CASK: variants seen among roughly 807,000 people sequenced by gnomAD.
CASK encodes the protein calcium/calmodulin dependent serine protein kinase.
A neutral mutation model predicts 82.9 loss-of-function variants in CASK; 4 were observed. The ratio of observed to expected loss-of-function variants is 0.05; its 90% CI spans 0.02 to 0.11. CASK has a LOEUF of 0.11. CASK is among the 10% of genes least tolerant of loss of function. CASK has a pLI of 1.00. For synonymous variants in CASK, 259 were observed against 253.5 expected, an observed-to-expected ratio of 1.02 and a Z score of -0.20; for missense variants, 358 against 720.9, an observed-to-expected ratio of 0.50 and a Z score of 5.76.
intron 9 of CASK, among the ~76,000 whole-genome samples, chrX:41,632,443 T>C (rs1180524302): frequency 8.9e-6 from 1 of 111,987 alleles, no homozygotes; most frequent in Non-Finnish European, 1.9e-5. Context: ...TACCATACAA[T>C]AGAACTATCT....
At chrX:41,604,649 C>A (rs1052952991) in intron 12 of CASK, among the ~76,000 whole-genome samples, 1 of 111,436 alleles carries the variant, frequency 9.0e-6, no homozygotes, top group African/African-American at 3.3e-5. Context: ...GCAGTCCTAG[C>A]AAACTAATGT....
At chrX:41,769,161 A>C (rs2069168465) in intron 3 of CASK, among the ~76,000 whole-genome samples, 1 of 105,870 alleles carries the variant, frequency 9.4e-6, no homozygotes, top group South Asian at 4.1e-4. Context: ...TAAATAAGTA[A>C]AAAAAAAAAG....
chrX:41,599,192 T>C (rs1428739083), intron 12 of CASK, among the ~76,000 whole-genome samples: 1 of 111,654 alleles, frequency 9.0e-6, no homozygotes, highest in Non-Finnish European at 1.9e-5. Flanking sequence ...TTACTGTATT[T>C]AATGGCCAAG....
At position 41,531,186 on chromosome X, in the gene CASK, C is replaced by G; in HGVS notation, c.2341G>C (p.Asp781His). The change falls in exon 25 of 27, where the codon GAC becomes CAC. Residue 781 changes from aspartate to histidine, a missense_variant. This residue lies in a region of CASK where 118 missense variants were observed against 169.4 expected (regional missense o/e 0.70). Coordinates refer to ENST00000378163, the MANE Select transcript of CASK (RefSeq NM_001367721.1). The part of the protein sequence containing the change: ...IPHTTRPPKK[D>H]EENGKNYYFV... Reference sequence around the variant, plus strand: ...TAATAATTCTTTCCATTTTCTTCGTCTTTCTTTGGAGGTCTGGTTGTATCT... The same window carrying G: ...TAATAATTCTTTCCATTTTCTTCGTGTTTCTTTGGAGGTCTGGTTGTATCT... 1 of 1,210,642 alleles carries G rather than the reference C, an allele frequency of 8.3e-7. No homozygotes were observed. The highest frequency in any genetic ancestry group is 1.1e-6 in the Non-Finnish European group (1 of 894,380).
At chrX:41,709,983 G>A (rs2067945453) in intron 5 of CASK, among the ~76,000 whole-genome samples, 1 of 110,349 alleles carries the variant, frequency 9.1e-6, no homozygotes, top group Admixed American at 9.8e-5. Context: ...CCTAGAAAGA[G>A]ACAGTGAAGT....
intron 2 of CASK, among the ~76,000 whole-genome samples, chrX:41,830,619 G>C (rs1444351155): frequency 1.9e-5 from 2 of 107,647 alleles, no homozygotes; most frequent in Non-Finnish European, 3.9e-5. Context: ...AGTAGATCGA[G>C]ACCATCCTGG....
At chrX:41,721,156 C>T (rs73472508) in intron 5 of CASK, among the ~76,000 whole-genome samples, 11,637 of 110,236 alleles carry the variant, frequency 0.11, 891 homozygotes, top group African/African-American at 0.27. Context: ...CTTGAAGAGA[C>T]GGATGGGCAA....
intron 6 of CASK, chrX:41,665,663 G>T (rs2067105170): frequency 2.3e-6 from 1 of 438,838 alleles, no homozygotes; most frequent in East Asian, 3.8e-5. Context: ...CCCAGAATAG[G>T]TATTCTGTCT....
intron 7 of CASK, among the ~76,000 whole-genome samples, chrX:41,660,875 A>G (rs2067020321): frequency 8.9e-6 from 1 of 112,401 alleles, no homozygotes; most frequent in African/African-American, 3.2e-5. Flanking sequence ...TAGGGAGACT[A>G]GAATACATCG....
At chrX:41,829,627 G>C (rs1189907770) in intron 2 of CASK, among the ~76,000 whole-genome samples, 1 of 10,364 alleles carries the variant, frequency 9.6e-5, no homozygotes, top group African/African-American at 5.4e-4. Context: ...TTTTGGGGGG[G>C]TGGGGGTGAA....
At chrX:41,817,983 T>TA (rs2070446544) in intron 2 of CASK, among the ~76,000 whole-genome samples, 1 of 111,251 alleles carries the variant, frequency 9.0e-6, no homozygotes, top group African/African-American at 3.3e-5. Context: ...AGGCCATACT[T>TA]ACTTTGCACA....
intron 5 of CASK, chrX:41,729,241 A>G (rs1417339012): frequency 8.1e-6 from 1 of 123,149 alleles, no homozygotes; most frequent in Non-Finnish European, 1.9e-5. Context: ...GTACGTGTTA[A>G]TTTCTTCATT....
chrX:41,569,568 A>G, intron 16 of CASK, 100 bp downstream of exon 16: 1 of 606,298 alleles, frequency 1.6e-6, no homozygotes. Flanking sequence ...ATAGTGAGAG[A>G]CCCCATCTCA....
chrX:41,811,543 G>T (rs1276857937), intron 2 of CASK, among the ~76,000 whole-genome samples: 1 of 112,339 alleles, frequency 8.9e-6, no homozygotes, highest in Non-Finnish European at 1.9e-5. Flanking sequence ...AAACCAATGA[G>T]AACAAAGACA....
At chrX:41,822,812 T>A (rs1280429726) in intron 2 of CASK, among the ~76,000 whole-genome samples, 3 of 109,538 alleles carry the variant, frequency 2.7e-5, no homozygotes, top group Non-Finnish European at 5.7e-5. Context: ...AAAATCTTCC[T>A]CCCCATCCAG....
chrX:41,586,477 A>C (rs1017691354), intron 14 of CASK: 2 of 118,659 alleles, frequency 1.7e-5, no homozygotes, highest in Non-Finnish European at 3.5e-5. Flanking sequence ...CCCATTTTCC[A>C]TATAGTAGAA....
chrX:41,686,104 A>C (rs1311447636), intron 5 of CASK, among the ~76,000 whole-genome samples: 1 of 109,623 alleles, frequency 9.1e-6, no homozygotes, highest in South Asian at 4.0e-4. Context: ...TTCTTTTTTT[A>C]TTTGAAACGG....
Position 41,524,031 on chromosome X carries a change from G to T in CASK, c.2524C>A (p.Leu842Met). ...IAILDVEPQA[L>M]KVLRTAEFAP... is the part of the protein sequence containing the mutation. ...AACTCTGCAGTTCTCAGGACCTTCAGTGCCTGTGTTAAGAAAAAAAAAAAA... is the reference window on the plus strand; with the variant it reads ...AACTCTGCAGTTCTCAGGACCTTCATTGCCTGTGTTAAGAAAAAAAAAAAA... The change falls in exon 26 of 27, where the codon CTG becomes ATG. Residue 842 changes from leucine (L) to methionine (M), a missense_variant. By Grantham distance (15) the Leu-to-Met change is conservative (BLOSUM62 2). This residue lies in a region of CASK where 118 missense variants were observed against 169.4 expected (regional missense o/e 0.70). Coordinates refer to ENST00000378163, the MANE Select transcript of CASK (RefSeq NM_001367721.1). 1 of 1,149,911 alleles carries T rather than the reference G, an allele frequency of 8.7e-7. No homozygotes were observed. The highest frequency in any genetic ancestry group is 1.2e-6 in the Non-Finnish European group (1 of 848,607). The allele number at this position is 1,149,911 out of a possible 1,213,427, so 94.8% of individuals were successfully genotyped here.
At chrX:41,653,641 G>C (rs2066894786) in intron 8 of CASK, among the ~76,000 whole-genome samples, 1 of 112,043 alleles carries the variant, frequency 8.9e-6, no homozygotes, top group African/African-American at 3.2e-5. Context: ...TTACCACGAA[G>C]GTAGTTGATG....
Sources: gnomAD v4.1 joint callset for allele counts (sites outside exome capture counted in the v4.1 genomes callset) on GRCh38, gnomAD v4.1.1 for gene constraint, gnomAD v4.1.1 regional missense constraint, MANE v1.5 for transcripts, NCBI Gene and HGNC (gene_info 2026-07-23, HGNC 2026-07-21) for gene names.